Variants in NFIB observed in about 807,000 individuals in gnomAD.
The protein encoded by NFIB is nuclear factor 1 B-type.
NFIB carries 11 observed loss-of-function variants against 61.5 expected under a neutral mutation model. The observed-to-expected ratio is 0.18, with a 90% confidence interval of 0.11 to 0.30. The LOEUF is 0.30. NFIB is among the 10% of genes least tolerant of loss of function. NFIB has a pLI of 1.00. For missense variants in NFIB, 471 were observed against 608.9 expected, an observed-to-expected ratio of 0.77 and a Z score of 2.38; for synonymous variants, 260 against 216.5, an observed-to-expected ratio of 1.20 and a Z score of -1.76.
the NFIB span, among the ~76,000 whole-genome samples, chr9:14,509,253 CTAAT>C: frequency 0.056 from 8,588 of 152,160 alleles, 258 homozygotes; most frequent in Non-Finnish European, 0.064. Context: ...CAGTTGTGTG[CTAAT>C]TAATTGGAAG....
intron 3 of NFIB, among the ~76,000 whole-genome samples, chr9:14,179,195 T>C (rs942771175): frequency 6.6e-6 from 1 of 152,056 alleles, no homozygotes; most frequent in Non-Finnish European, 1.5e-5. Context: ...GTATTTGGGA[T>C]ACCTTATGCT....
intron 2 of NFIB, among the ~76,000 whole-genome samples, chr9:14,197,837 GAATGC>G (rs1563890969): frequency 6.6e-6 from 1 of 152,114 alleles, no homozygotes; most frequent in East Asian, 1.9e-4. Context: ...CTCACTCTAC[GAATGC>G]TACAAAACAA....
chr9:14,088,412 T>G, intron 10 of NFIB, 86 bp from the exon 11 acceptor site: 1 of 1,290,536 alleles, frequency 7.7e-7, no homozygotes, highest in African/African-American at 1.5e-5. Context: ...GAAATATAAA[T>G]TCCAGATGCA....
chr9:14,279,435 C>G (rs1449457316), intron 2 of NFIB, among the ~76,000 whole-genome samples: 1 of 152,048 alleles, frequency 6.6e-6, no homozygotes, highest in East Asian at 1.9e-4. Context: ...GAGATTGAGA[C>G]CTTATTAAAT....
At chr9:14,184,255 G>A (rs975713266) in intron 2 of NFIB, among the ~76,000 whole-genome samples, 7 of 152,140 alleles carry the variant, frequency 4.6e-5, no homozygotes, top group African/African-American at 1.2e-4. Flanking sequence ...TTCTTGAATC[G>A]TTATGATGCA....
At chr9:14,384,266 T>G (rs190177081) in intron 1 of NFIB, among the ~76,000 whole-genome samples, 5 of 152,166 alleles carry the variant, frequency 3.3e-5, no homozygotes, top group African/African-American at 9.7e-5. Flanking sequence ...GTGCTCCAAA[T>G]AGAAAGAATT....
At chr9:14,441,134 C>CA in the NFIB span, among the ~76,000 whole-genome samples, 2,645 of 100,854 alleles carry the variant, frequency 0.026, 45 homozygotes, top group Middle Eastern at 0.06. Flanking sequence ...TGAGTGGGTT[C>CA]AAAAAAAAAA....
At chr9:14,381,243 G>A (rs1385521002) in intron 1 of NFIB, among the ~76,000 whole-genome samples, 1 of 151,852 alleles carries the variant, frequency 6.6e-6, no homozygotes, top group East Asian at 2.0e-4. Flanking sequence ...CCAGGCTGGA[G>A]TGCAGTGGTG....
the NFIB span, among the ~76,000 whole-genome samples, chr9:14,414,368 G>A: frequency 6.7e-6 from 1 of 148,864 alleles, no homozygotes; most frequent in Non-Finnish European, 1.5e-5. Flanking sequence ...CCGAGAGGCA[G>A]AGGTTGCAGT....
upstream of NFIB, chr9:14,317,059 G>C (rs566453830): frequency 6.6e-6 from 1 of 151,558 alleles, no homozygotes; most frequent in East Asian, 2.0e-4. Context: ...CTGGCACCCA[G>C]AGAGCACTCC....
At chr9:14,248,096 C>A (rs2055143624) in intron 2 of NFIB, among the ~76,000 whole-genome samples, 2 of 151,766 alleles carry the variant, frequency 1.3e-5, no homozygotes, top group Admixed American at 1.3e-4. Flanking sequence ...CCATGCCCAG[C>A]TAACTTTTGA....
intron 2 of NFIB, among the ~76,000 whole-genome samples, chr9:14,209,671 G>A (rs1398181288): frequency 6.6e-6 from 1 of 152,204 alleles, no homozygotes; most frequent in Admixed American, 6.5e-5. Flanking sequence ...GAACAGTGTG[G>A]GGAGAAGTTA....
chr9:14,511,951 T>C, the NFIB span, among the ~76,000 whole-genome samples: 1 of 152,232 alleles, frequency 6.6e-6, no homozygotes, highest in South Asian at 2.1e-4. Context: ...GTAAGTTAAT[T>C]GTGGCAAACC....
chr9:14,349,990 G>A (rs558633632), intron 1 of NFIB, among the ~76,000 whole-genome samples: 2 of 152,130 alleles, frequency 1.3e-5, no homozygotes, highest in Non-Finnish European at 2.9e-5. Flanking sequence ...GATTGCCCAT[G>A]ATCTCTCCCT....
intron 10 of NFIB, among the ~76,000 whole-genome samples, chr9:14,105,052 G>A (rs573162160): frequency 6.6e-6 from 1 of 152,200 alleles, no homozygotes; most frequent in African/African-American, 2.4e-5. Flanking sequence ...TTGTAAATGA[G>A]TTAGTTTTTT....
At chr9:14,320,339 A>G (rs985960901) in intron 1 of NFIB, among the ~76,000 whole-genome samples, 1 of 152,194 alleles carries the variant, frequency 6.6e-6, no homozygotes, top group African/African-American at 2.4e-5. Flanking sequence ...TGTTCTAATA[A>G]TTTTATTGCC....
the NFIB span, among the ~76,000 whole-genome samples, chr9:14,433,694 C>T: frequency 8.5e-5 from 13 of 152,086 alleles, no homozygotes; most frequent in Admixed American, 5.2e-4. Context: ...ATTACATGCC[C>T]ACTACACTCC....
At chr9:14,437,654 G>A in the NFIB span, among the ~76,000 whole-genome samples, 2 of 152,198 alleles carry the variant, frequency 1.3e-5, no homozygotes, top group African/African-American at 2.4e-5. Flanking sequence ...TTCTAACAGA[G>A]GAGCTGGGAG....
At chr9:14,126,465 A>C (rs2039658152) in intron 6 of NFIB, among the ~76,000 whole-genome samples, 1 of 152,272 alleles carries the variant, frequency 6.6e-6, no homozygotes, top group African/African-American at 2.4e-5. Context: ...GCTGCGATGT[A>C]CAGGACAGAT....
Sources: gnomAD v4.1 joint callset for allele counts (sites outside exome capture counted in the v4.1 genomes callset) on GRCh38, gnomAD v4.1.1 for gene constraint, MANE v1.5 for transcripts, NCBI Gene and HGNC (gene_info 2026-07-23, HGNC 2026-07-21) for gene names.